The following EHBP1 variants were observed in gnomAD, a reference collection of about 807,000 sequenced individuals.
The protein encoded by EHBP1 is EH domain binding protein 1, also known as EH domain-binding protein 1.
EHBP1 carries 55 observed loss-of-function variants against 144.0 expected under a neutral mutation model. That is an observed-to-expected ratio of 0.38 (90% CI 0.31 to 0.48). EHBP1 has a LOEUF of 0.48. EHBP1 is among the 20% of genes least tolerant of loss of function. EHBP1 has a pLI of 0.98. For synonymous variants in EHBP1, 469 were observed against 472.7 expected, an observed-to-expected ratio of 0.99 and a Z score of 0.10; for missense variants, 1,200 against 1,364.2, an observed-to-expected ratio of 0.88 and a Z score of 1.90.
chr2:62,892,887 A>G (rs903463642), intron 10 of EHBP1, among the ~76,000 whole-genome samples: 3 of 152,164 alleles, frequency 2.0e-5, no homozygotes, highest in Non-Finnish European at 4.4e-5. Context: ...ATGAGACTTC[A>G]GAGTACACAT....
intron 14 of EHBP1, among the ~76,000 whole-genome samples, chr2:62,977,551 C>T (rs545043155): frequency 6.6e-5 from 10 of 152,234 alleles, no homozygotes; most frequent in Middle Eastern, 3.4e-3. Context: ...TTTCTGAACC[C>T]TTATGTTATT....
intron 15 of EHBP1, among the ~76,000 whole-genome samples, chr2:62,986,414 G>C (rs990668362): frequency 4.7e-5 from 7 of 150,236 alleles, no homozygotes; most frequent in Non-Finnish European, 7.4e-5. Context: ...GGTGTGGGGG[G>C]TGCATTTCTC....
intron 14 of EHBP1, among the ~76,000 whole-genome samples, chr2:62,975,122 T>C (rs1485098576): frequency 6.6e-6 from 1 of 152,196 alleles, no homozygotes; most frequent in Non-Finnish European, 1.5e-5. Flanking sequence ...TTGGAACCTA[T>C]GCCAGAATGA....
At position 62,763,379 on chromosome 2, in the gene EHBP1, A is replaced by G. The variant is rs1253017796; in HGVS notation, c.163-887A>G. 3.9e-5 allele frequency among the ~76,000 whole-genome samples: 6 copies of G among 152,208 alleles called. No homozygotes were observed. In the East Asian group the frequency reaches 9.6e-4, roughly 24 times the overall value. On this transcript the variant is annotated intron_variant, in intron 3 of 22. Coordinates refer to ENST00000431489, the MANE Select transcript of EHBP1 (RefSeq NM_001142616.3). ...GAACAGTGCTTGGCAGATAGTATCA[A>G]TTAAGCAAATGAGTGAATGAATGAA...
rs750940202 is a variant in EHBP1, at chr2:62,859,235, C to T, written c.701C>T (p.Pro234Leu). The change falls in exon 8 of 23, where the codon CCA becomes CTA. Residue 234 changes from proline to leucine, a missense_variant. Pro to Leu is a moderately conservative substitution (Grantham distance 98). Transcript: ENST00000431489. The part of the protein sequence containing the change: ...EKDLATVNSN[P>L]FDDPDAAELN... ...GACTTGGCCACCGTGAATTCAAATC[C>T]ATTTGATGATCCTGATGCTGCAGAA... is the stretch of plus-strand genomic sequence containing the variant. 1.1e-4 allele frequency: 181 copies of T among 1,611,240 alleles called. 2 individuals carry two copies. The highest frequency in any genetic ancestry group is 1.3e-4 in the South Asian group (12 of 90,578).
At chr2:62,727,294 T>A (rs1349670567) in intron 2 of EHBP1, among the ~76,000 whole-genome samples, 2 of 152,146 alleles carry the variant, frequency 1.3e-5, no homozygotes, top group Non-Finnish European at 2.9e-5. Context: ...TTCTTCCTTT[T>A]TTTTTTTTTA....
intron 15 of EHBP1, among the ~76,000 whole-genome samples, chr2:62,982,675 G>T (rs1250137491): frequency 6.6e-6 from 1 of 152,138 alleles, no homozygotes; most frequent in Non-Finnish European, 1.5e-5. Flanking sequence ...TTTCGAAGCA[G>T]TAGTCCAGAG....
rs986798724 is a variant in EHBP1 at position 62,789,667 on chromosome 2, A to G, written c.312+18275A>G. On this transcript the variant is annotated intron_variant, in intron 5 of 22. Transcript: ENST00000431489. ...GCTCCTGGTTCCACACGGAGTGCCA[A>G]TGCATACATCTTCCAACCCACTGCA... 3.3e-5 allele frequency among the ~76,000 whole-genome samples: 5 copies of G among 152,206 alleles called. 1 individual carries two copies. Among genetic ancestry groups the G allele is most frequent in the African/African-American group, 4.8e-5 (2 of 41,462 alleles).
Position 63,024,601 on chromosome 2 carries a change from C to CAAA in EHBP1, c.3104-12914_3104-12912dup, listed in dbSNP as rs35534053. Among the ~76,000 whole-genome samples the CAAA allele has an allele frequency of 1.5e-4, 16 of 107,436 alleles. No homozygotes were observed. In the Middle Eastern group the frequency reaches 0.016, roughly 107 times the overall value. 70.5% of individuals were successfully genotyped at this position (107,436 alleles called of 152,430 possible). A position where few individuals can be genotyped will look rare whatever the true frequency, so the allele number is the denominator to read the frequency against. On this transcript the variant is annotated intron_variant, in intron 19 of 22. Transcript: ENST00000431489. Reference sequence around the variant, plus strand: ...TTGGCAACACAGCAAGACCCTGTCTCAAAAAAAAAAAAAAAAAAAAAATTA... The same window carrying CAAA: ...TTGGCAACACAGCAAGACCCTGTCTCAAAAAAAAAAAAAAAAAAAAAAAAATTA...
Position 62,942,839 on chromosome 2 carries a change from C to T in EHBP1, c.1307C>T (p.Ser436Leu). 1.2e-6 allele frequency: 2 copies of T among 1,613,596 alleles called. No individual in the cohort carries two copies. The highest frequency in any genetic ancestry group is 8.5e-7 in the Non-Finnish European group (1 of 1,179,714). The change falls in exon 11 of 23, where the codon TCG becomes TTG. Residue 436 changes from serine (S) to leucine (L), a missense_variant. This residue lies in a region of EHBP1 where 94 missense variants were observed against 143.0 expected (regional missense o/e 0.66). Transcript: ENST00000431489. ...RGVKITNFTT[S>L]WRNGLSFCAI... Reference sequence around the variant, plus strand: ...GTAAAAATCACCAATTTTACTACATCGTGGAGAAATGGTTTATCTTTTTGT... The same window carrying T: ...GTAAAAATCACCAATTTTACTACATTGTGGAGAAATGGTTTATCTTTTTGT...
In EHBP1 at chr2:62,993,550, G is replaced by A. The variant is rs201125526; in HGVS notation, c.2754G>A (p.Arg918=). 2.8e-5 allele frequency: 45 copies of A among 1,595,080 alleles called. No individual in the cohort carries two copies. In the Middle Eastern group the frequency reaches 6.7e-4, roughly 24 times the overall value. The change falls in exon 17 of 23, where the codon CGG becomes CGA. Residue 918 remains arginine, a synonymous_variant. Coordinates refer to ENST00000431489, the MANE Select transcript of EHBP1 (RefSeq NM_001142616.3). ...QDMKSGTEDL[R]TERLQKTTER... ...TTTAGAGTGGCACAGAAGATCTCCG[G>A]ACTGAACGATTACAAAAAACAACAG...
chr2:62,813,176 C>G (rs2045162107), intron 5 of EHBP1, among the ~76,000 whole-genome samples: 1 of 152,186 alleles, frequency 6.6e-6, no homozygotes, highest in Non-Finnish European at 1.5e-5. Flanking sequence ...TGAATTCCAG[C>G]TCAGTGATTT....
chr2:62,993,208 T>A (rs2059482092), intron 16 of EHBP1, among the ~76,000 whole-genome samples: 1 of 152,140 alleles, frequency 6.6e-6, no homozygotes, highest in Non-Finnish European at 1.5e-5. Context: ...GTTCTTGTTG[T>A]CATACAAGTC....
At chr2:62,936,434 A>G (rs999640912) in intron 10 of EHBP1, among the ~76,000 whole-genome samples, 2 of 152,002 alleles carry the variant, frequency 1.3e-5, no homozygotes, top group Admixed American at 6.6e-5. Flanking sequence ...GATCCTCTCT[A>G]TTATATGCTT....
intron 15 of EHBP1, among the ~76,000 whole-genome samples, chr2:62,979,895 A>T (rs1056791859): frequency 3.9e-5 from 6 of 152,216 alleles, no homozygotes; most frequent in Admixed American, 6.5e-5. Context: ...TATATATATA[A>T]AATTAAAGAA....
intron 19 of EHBP1, among the ~76,000 whole-genome samples, chr2:63,025,898 CAT>C (rs1398278549): frequency 6.6e-6 from 1 of 152,118 alleles, no homozygotes. Flanking sequence ...CTTAACAGAA[CAT>C]GTGTAACCTT....
intron 7 of EHBP1, among the ~76,000 whole-genome samples, chr2:62,833,146 C>G (rs2152669679): frequency 6.6e-6 from 1 of 152,316 alleles, no homozygotes; most frequent in Admixed American, 6.5e-5. Context: ...AAGCCAAAGC[C>G]TAATCCAGAT....
At chr2:62,779,768 C>G (rs1322819093) in intron 5 of EHBP1, among the ~76,000 whole-genome samples, 1 of 152,150 alleles carries the variant, frequency 6.6e-6, no homozygotes, top group African/African-American at 2.4e-5. Flanking sequence ...TTGGATAAAT[C>G]TAATCAAGAT....
chr2:63,038,202 T>C (rs979182990), intron 20 of EHBP1, among the ~76,000 whole-genome samples: 3 of 152,174 alleles, frequency 2.0e-5, no homozygotes, highest in Non-Finnish European at 2.9e-5. Flanking sequence ...TCACTAGCAG[T>C]ATTCTTCTAG....
Sources: gnomAD v4.1 joint callset for allele counts (sites outside exome capture counted in the v4.1 genomes callset) on GRCh38, gnomAD v4.1.1 for gene constraint, gnomAD v4.1.1 regional missense constraint, MANE v1.5 for transcripts, NCBI Gene and HGNC (gene_info 2026-07-23, HGNC 2026-07-21) for gene names.